BCOR: variants seen among roughly 807,000 people sequenced by gnomAD.
The protein encoded by BCOR is BCL-6 corepressor.
In BCOR, 10 loss-of-function variants were observed where a neutral mutation model predicts 86.7. That is an observed-to-expected ratio of 0.12 (90% CI 0.07 to 0.20). The LOEUF (loss-of-function observed/expected upper bound fraction) is 0.20, where lower values mean the gene tolerates loss of function less well. BCOR is among the 10% of genes least tolerant of loss of function. The pLI is 1.00. For missense variants in BCOR, 1,259 were observed against 1,452.1 expected (o/e 0.87, Z 2.16); for synonymous variants, 611 against 609.0 (o/e 1.00, Z -0.05).
intron 10 of BCOR, among the ~76,000 whole-genome samples, chrX:40,061,249 G>A (rs1226077389): frequency 8.9e-6 from 1 of 112,194 alleles, no homozygotes; most frequent in Non-Finnish European, 1.9e-5. Flanking sequence ...GTGGTGGGGA[G>A]ACGCACAGGG....
intron 1 of BCOR, among the ~76,000 whole-genome samples, chrX:40,147,200 C>A (rs1404660260): frequency 1.8e-5 from 2 of 112,175 alleles, no homozygotes; most frequent in Non-Finnish European, 3.8e-5. Flanking sequence ...TACCCAAATT[C>A]TCTTTCTTGG....
chrX:40,055,207 G>C (rs755637307), intron 12 of BCOR, among the ~76,000 whole-genome samples, 161 bp downstream of exon 12: 6 of 112,513 alleles, frequency 5.3e-5, no homozygotes, highest in Non-Finnish European at 1.1e-4. Context: ...AGCTTCACTA[G>C]AACAAAGTCA....
chrX:40,116,682 C>T (rs1181948303), intron 1 of BCOR, among the ~76,000 whole-genome samples: 3 of 111,587 alleles, frequency 2.7e-5, no homozygotes, highest in East Asian at 5.6e-4. Flanking sequence ...AACTAAATTT[C>T]GGACTTTCCA....
intron 1 of BCOR, among the ~76,000 whole-genome samples, chrX:40,161,143 G>T (rs146258423): frequency 9.2e-6 from 1 of 108,191 alleles, no homozygotes; most frequent in African/African-American, 3.4e-5. Flanking sequence ...GAGTAGCTGG[G>T]ACTACAGGTT....
intron 10 of BCOR, 64 bp downstream of exon 10, chrX:40,062,075 C>A (rs1934903640): frequency 8.7e-7 from 1 of 1,155,194 alleles, no homozygotes. Flanking sequence ...CTCCCCTCGC[C>A]CACCACAGTC....
At chrX:40,125,454 G>T (rs1407572419) in intron 1 of BCOR, among the ~76,000 whole-genome samples, 1 of 111,419 alleles carries the variant, frequency 9.0e-6, no homozygotes, top group Non-Finnish European at 1.9e-5. Flanking sequence ...GGCTGGTCTT[G>T]AACTCTTGAC....
intron 1 of BCOR, among the ~76,000 whole-genome samples, chrX:40,148,707 T>C (rs1334518845): frequency 9.0e-6 from 1 of 110,573 alleles, no homozygotes; most frequent in East Asian, 2.9e-4. Context: ...GAATATTATC[T>C]CATGTGCCGC....
chrX:40,061,210 A>G (rs773404047), intron 10 of BCOR, among the ~76,000 whole-genome samples: 4 of 112,344 alleles, frequency 3.6e-5, no homozygotes, highest in Non-Finnish European at 7.5e-5. Context: ...ACTGTGGGCT[A>G]TTACATCACT....
chrX:40,121,786 C>T (rs966136912), intron 1 of BCOR, among the ~76,000 whole-genome samples: 6 of 111,861 alleles, frequency 5.4e-5, no homozygotes, highest in Non-Finnish European at 7.5e-5. Context: ...TTCAGGTAGC[C>T]GAGCAACAAG....
rs993526093 is a variant in BCOR at position 40,071,011 on chromosome X, A to G, written c.3200T>C (p.Leu1067Pro). The change falls in exon 6 of 15, where the codon CTG (leucine) becomes CCG (proline). Residue 1067 changes from leucine to proline, a missense_variant. Leu to Pro is a moderately conservative substitution (Grantham distance 98, BLOSUM62 -3). Transcript: ENST00000378444. ...NQDKKPKSVT[L>P]EEAIAEQNES... The stretch of plus-strand genomic sequence containing the variant: ...GTTCTGTTCTGCAATGGCCTCCTCC[A>G]GGGTGACCGACTTTGGCTTTTTGTC... The G allele has an allele frequency of 8.3e-7, 1 of 1,209,749 alleles. No individual in the cohort carries two copies. The highest frequency in any genetic ancestry group is 1.8e-5 in the African/African-American group (1 of 57,101).
At chrX:40,136,770 A>G (rs1937689502) in intron 1 of BCOR, among the ~76,000 whole-genome samples, 1 of 112,000 alleles carries the variant, frequency 8.9e-6, no homozygotes, top group Non-Finnish European at 1.9e-5. Context: ...TCCTGTGTGC[A>G]GCTCAATGAC....
At chrX:40,141,510 C>G (rs993833744) in intron 1 of BCOR, among the ~76,000 whole-genome samples, 2 of 111,972 alleles carry the variant, frequency 1.8e-5, no homozygotes, top group Admixed American at 1.9e-4. Flanking sequence ...TAAGCTAGCC[C>G]CCTTCTCTGC....
chrX:40,111,126 C>T (rs1320728626), intron 1 of BCOR, among the ~76,000 whole-genome samples: 3 of 111,533 alleles, frequency 2.7e-5, no homozygotes, highest in South Asian at 3.7e-4. Flanking sequence ...CTGATGTTCC[C>T]GCAGCACCCA....
At chrX:40,070,837 C>T (rs1251646793) in intron 6 of BCOR, 136 bp downstream of exon 6, 12 of 583,400 alleles carry the variant, frequency 2.1e-5, no homozygotes, top group Admixed American at 2.6e-5. Flanking sequence ...CTTTCACAGA[C>T]GCCTCGTTCC....
intron 1 of BCOR, among the ~76,000 whole-genome samples, chrX:40,084,463 G>A (rs1444481247): frequency 8.9e-6 from 1 of 111,900 alleles, no homozygotes; most frequent in Non-Finnish European, 1.9e-5. Flanking sequence ...AGGCCACCCG[G>A]CAACAGAAAC....
Position 40,073,112 on chromosome X carries a change from C to G in BCOR, c.2234G>C (p.Arg745Thr). Residue 745 changes from arginine (R) to threonine (T), a missense_variant, in exon 4 of 15, where the codon AGG (arginine) becomes ACG (threonine). Arg to Thr is a moderately conservative substitution (Grantham distance 71). Coordinates refer to ENST00000378444, the MANE Select transcript of BCOR (RefSeq NM_001123385.2). ...GGCTCTCTCATGGGACCGGGATCTC[C>G]TCTCTGGTTTCTCCTCTTTAGTAAT... ...IEITKEEKPE[R>T]RSRSHERARY... 1 of 1,212,139 alleles carries G rather than the reference C, an allele frequency of 8.2e-7. No homozygotes were observed. The highest frequency in any genetic ancestry group is 1.1e-6 in the Non-Finnish European group (1 of 895,624).
intron 1 of BCOR, among the ~76,000 whole-genome samples, chrX:40,104,740 T>C (rs889941880): frequency 2.7e-5 from 3 of 112,953 alleles, no homozygotes; most frequent in Non-Finnish European, 3.8e-5. Flanking sequence ...CCTGGGGAGC[T>C]GAAACCGCCC....
At chrX:40,129,208 G>A (rs1407333044) in intron 1 of BCOR, among the ~76,000 whole-genome samples, 3 of 111,795 alleles carry the variant, frequency 2.7e-5, no homozygotes, top group African/African-American at 9.8e-5. Context: ...AAAGTTAGCC[G>A]GGCATGGTGG....
intron 1 of BCOR, among the ~76,000 whole-genome samples, chrX:40,135,454 A>G (rs1012144721): frequency 1.8e-5 from 2 of 109,416 alleles, no homozygotes; most frequent in Non-Finnish European, 1.9e-5. Flanking sequence ...TAGTGACACA[A>G]TACTCGGCTC....
Sources: allele counts gnomAD v4.1 joint callset (sites outside exome capture counted in the v4.1 genomes callset), GRCh38; gene constraint gnomAD v4.1.1; transcripts MANE v1.5; gene names NCBI Gene and HGNC (gene_info 2026-07-23, HGNC 2026-07-21).